Variants in ABTB3 observed in about 807,000 individuals in gnomAD.
The protein encoded by ABTB3 is ankyrin repeat and BTB domain containing 3, also known as ankyrin repeat- and BTB/POZ domain-containing protein 3.
chr12:107,378,543 G>A, the ABTB3 span, among the ~76,000 whole-genome samples: 1 of 152,234 alleles, frequency 6.6e-6, no homozygotes, highest in Admixed American at 6.5e-5. Flanking sequence ...GGGGAGCTAG[G>A]GCTGTCCAAC....
At chr12:107,527,321 G>T in the ABTB3 span, among the ~76,000 whole-genome samples, 1 of 151,916 alleles carries the variant, frequency 6.6e-6, no homozygotes, top group African/African-American at 2.4e-5. Context: ...TCCCAGGCTG[G>T]AGTGCAGTGG....
chr12:107,652,729 T>G, the ABTB3 span, among the ~76,000 whole-genome samples: 1 of 152,156 alleles, frequency 6.6e-6, no homozygotes, highest in Non-Finnish European at 1.5e-5. Context: ...CAGTTTTCAG[T>G]AACCACTGAT....
chr12:107,340,608 T>C, the ABTB3 span, among the ~76,000 whole-genome samples: 1 of 152,144 alleles, frequency 6.6e-6, no homozygotes, highest in Non-Finnish European at 1.5e-5. Flanking sequence ...CTCGTTTTTT[T>C]TTCAGTTCAC....
chr12:107,653,409 C>T, the ABTB3 span, among the ~76,000 whole-genome samples: 2 of 151,820 alleles, frequency 1.3e-5, no homozygotes, highest in Non-Finnish European at 1.5e-5. Flanking sequence ...CCCAGCTACT[C>T]AGGAAGCTGA....
At chr12:107,441,631 CTT>C in the ABTB3 span, among the ~76,000 whole-genome samples, 1 of 151,654 alleles carries the variant, frequency 6.6e-6, no homozygotes, top group Non-Finnish European at 1.5e-5. Flanking sequence ...AAAATTAAAA[CTT>C]AAAAAAAAAA....
At chr12:107,498,833 A>T in the ABTB3 span, among the ~76,000 whole-genome samples, 1 of 152,144 alleles carries the variant, frequency 6.6e-6, no homozygotes, top group Non-Finnish European at 1.5e-5. Flanking sequence ...GGTTCTGGGG[A>T]CTAGGACATG....
At chr12:107,516,421 G>A in the ABTB3 span, among the ~76,000 whole-genome samples, 3 of 151,900 alleles carry the variant, frequency 2.0e-5, no homozygotes, top group Non-Finnish European at 2.9e-5. Flanking sequence ...TAGTAGAGAC[G>A]GGGTTTCACC....
chr12:107,627,165 C>T, the ABTB3 span, among the ~76,000 whole-genome samples: 1 of 152,030 alleles, frequency 6.6e-6, no homozygotes, highest in African/African-American at 2.4e-5. Context: ...ATTTATAGAC[C>T]CCAGGGACAA....
At chr12:107,409,765 G>C in the ABTB3 span, among the ~76,000 whole-genome samples, 1 of 152,122 alleles carries the variant, frequency 6.6e-6, no homozygotes. Context: ...TAATACCTAG[G>C]TGATGGGTTG....
the ABTB3 span, among the ~76,000 whole-genome samples, chr12:107,504,136 AT>A: frequency 2.5e-4 from 38 of 152,120 alleles, no homozygotes; most frequent in Non-Finnish European, 4.3e-4. Context: ...CCTGTGGTTT[AT>A]TTTACTCTGT....
chr12:107,544,041 C>T, the ABTB3 span: 32 of 1,613,952 alleles, frequency 2.0e-5, no homozygotes, highest in South Asian at 8.8e-5. Flanking sequence ...ACTGGGAGCC[C>T]GAGGCCCTGT....
chr12:107,473,005 C>G, the ABTB3 span, among the ~76,000 whole-genome samples: 1 of 152,138 alleles, frequency 6.6e-6, no homozygotes, highest in Non-Finnish European at 1.5e-5. Context: ...GGAAGGACAA[C>G]ATGAAGGCCC....
At chr12:107,360,144 A>G in the ABTB3 span, among the ~76,000 whole-genome samples, 1 of 152,340 alleles carries the variant, frequency 6.6e-6, no homozygotes, top group East Asian at 1.9e-4. Flanking sequence ...GTTACATTAT[A>G]TGGTCACTGA....
the ABTB3 span, among the ~76,000 whole-genome samples, chr12:107,459,616 G>T: frequency 2.0e-5 from 3 of 152,230 alleles, no homozygotes; most frequent in Non-Finnish European, 4.4e-5. Context: ...GTGCCCTTCT[G>T]GGGGAAGAAT....
the ABTB3 span, among the ~76,000 whole-genome samples, chr12:107,546,315 C>T: frequency 6.6e-6 from 1 of 152,152 alleles, no homozygotes; most frequent in African/African-American, 2.4e-5. Flanking sequence ...TACCTCAAAA[C>T]TAAAGCCATC....
the ABTB3 span, among the ~76,000 whole-genome samples, chr12:107,343,925 C>T: frequency 1.3e-5 from 2 of 152,188 alleles, no homozygotes; most frequent in Non-Finnish European, 2.9e-5. Flanking sequence ...CACCTCCCAA[C>T]AGGTGCCTCC....
chr12:107,450,126 G>A, the ABTB3 span, among the ~76,000 whole-genome samples: 1 of 151,956 alleles, frequency 6.6e-6, no homozygotes, highest in Non-Finnish European at 1.5e-5. Context: ...GAGACTGGTA[G>A]GAAATGATTT....
At chr12:107,635,870 CCACACACA>C in the ABTB3 span, among the ~76,000 whole-genome samples, 3 of 115,156 alleles carry the variant, frequency 2.6e-5, no homozygotes, top group Non-Finnish European at 5.4e-5. Flanking sequence ...CCCCACCCAC[CCACACACA>C]CACACACACA....
chr12:107,326,764 G>A, the ABTB3 span, among the ~76,000 whole-genome samples: 1 of 152,134 alleles, frequency 6.6e-6, no homozygotes, highest in East Asian at 1.9e-4. Flanking sequence ...ATCTGAGCAG[G>A]GTGGGATAAC....
Sources: gnomAD v4.1 joint callset for allele counts (sites outside exome capture counted in the v4.1 genomes callset) on GRCh38, gnomAD v4.1.1 for gene constraint, MANE v1.5 for transcripts, NCBI Gene and HGNC (gene_info 2026-07-23, HGNC 2026-07-21) for gene names.